The following ULK4 variants were observed in gnomAD, a reference collection of about 807,000 sequenced individuals.
ULK4 encodes unc-51 like kinase 4, also known as inactive serine/threonine-protein kinase ULK4.
In ULK4, 133 loss-of-function variants were observed where a neutral mutation model predicts 160.6. That is an observed-to-expected ratio of 0.83 (90% confidence interval 0.72 to 0.96). The LOEUF (loss-of-function observed/expected upper bound fraction) is 0.96. Among genes scored for constraint, ULK4 ranks in the 40% least tolerant of loss-of-function variants. The probability of loss-of-function intolerance (pLI) is 0.00; values close to 1 mark genes in which losing one functional copy is unlikely to be tolerated. For synonymous variants in ULK4, 534 were observed against 539.8 expected (o/e 0.99, Z 0.15); for missense variants, 1,580 against 1,499.5 (o/e 1.05, Z -0.89).
intron 35 of ULK4, among the ~76,000 whole-genome samples, chr3:41,323,843 T>A (rs1032271496): frequency 4.6e-5 from 7 of 152,010 alleles, no homozygotes; most frequent in African/African-American, 1.4e-4. Flanking sequence ...CTTTAGGATT[T>A]AAAAAAAATA....
intron 35 of ULK4, among the ~76,000 whole-genome samples, chr3:41,283,670 G>C (rs1029297742): frequency 6.6e-6 from 1 of 152,200 alleles, no homozygotes; most frequent in South Asian, 2.1e-4. Flanking sequence ...GGGAGGGATA[G>C]CATTAGGAGA....
chr3:41,906,359 TACAA>T (rs996608170), intron 12 of ULK4, among the ~76,000 whole-genome samples: 2 of 152,086 alleles, frequency 1.3e-5, no homozygotes, highest in African/African-American at 2.4e-5. Flanking sequence ...ACCCTGTCTT[TACAA>T]ACAATTTTTT....
chr3:41,904,975 T>C (rs886396238), intron 12 of ULK4, among the ~76,000 whole-genome samples: 15 of 152,222 alleles, frequency 9.9e-5, no homozygotes, highest in African/African-American at 3.4e-4. Flanking sequence ...GCTGGCTCCT[T>C]TGAAGAAACT....
intron 21 of ULK4, among the ~76,000 whole-genome samples, chr3:41,781,283 G>A (rs899557222): frequency 6.6e-6 from 1 of 152,040 alleles, no homozygotes; most frequent in Admixed American, 6.6e-5. Flanking sequence ...CGGGCATGGT[G>A]GCGGGTGCCT....
chr3:41,935,017 A>ATTTTTTTTT (rs10635589), intron 4 of ULK4, among the ~76,000 whole-genome samples: 2 of 112,886 alleles, frequency 1.8e-5, no homozygotes, highest in African/African-American at 3.5e-5. Flanking sequence ...TTATTTATTA[A>ATTTTTTTTT]TTTTTTTTTT....
At chr3:41,373,350 C>T (rs1419297283) in intron 35 of ULK4, among the ~76,000 whole-genome samples, 3 of 152,194 alleles carry the variant, frequency 2.0e-5, no homozygotes, top group Admixed American at 6.5e-5. Flanking sequence ...CTCAGCACCA[C>T]AAAGCACTTA....
chr3:41,334,035 A>C (rs1314914227), intron 35 of ULK4, among the ~76,000 whole-genome samples: 1 of 152,162 alleles, frequency 6.6e-6, no homozygotes, highest in Non-Finnish European at 1.5e-5. Flanking sequence ...AGGACAGGAT[A>C]ACTAAGAAAC....
intron 5 of ULK4, among the ~76,000 whole-genome samples, chr3:41,928,985 C>T (rs1182624316): frequency 1.3e-5 from 2 of 152,006 alleles, no homozygotes; most frequent in Non-Finnish European, 2.9e-5. Flanking sequence ...CTTACTAACT[C>T]ATTTTATGAG....
intron 32 of ULK4, among the ~76,000 whole-genome samples, chr3:41,475,707 G>A (rs1452749710): frequency 6.6e-6 from 1 of 152,054 alleles, no homozygotes; most frequent in Admixed American, 6.6e-5. Flanking sequence ...CAATTTCCAG[G>A]CCACTGATAA....
chr3:41,647,675 C>T (rs879899764), intron 30 of ULK4, among the ~76,000 whole-genome samples: 40 of 152,332 alleles, frequency 2.6e-4, no homozygotes, highest in South Asian at 4.1e-4. Context: ...GCAGTCTGCC[C>T]GTTCTCAGAT....
intron 5 of ULK4, among the ~76,000 whole-genome samples, chr3:41,923,050 T>C (rs76319026): frequency 0.13 from 19,144 of 151,644 alleles, 1,386 homozygotes; most frequent in Middle Eastern, 0.27. Context: ...GGCAGGCACC[T>C]GTAAGCCCAG....
intron 32 of ULK4, among the ~76,000 whole-genome samples, chr3:41,554,796 T>A (rs140080355): frequency 3.3e-5 from 5 of 152,208 alleles, no homozygotes; most frequent in African/African-American, 1.2e-4. Flanking sequence ...TATCAAAATA[T>A]CACAGGTACC....
At chr3:41,551,163 A>G (rs1331337891) in intron 32 of ULK4, among the ~76,000 whole-genome samples, 4 of 151,790 alleles carry the variant, frequency 2.6e-5, no homozygotes. Context: ...TTATAGCAAT[A>G]ACACATCTAC....
intron 5 of ULK4, among the ~76,000 whole-genome samples, chr3:41,923,749 G>A (rs1380010715): frequency 6.6e-5 from 10 of 152,226 alleles, no homozygotes; most frequent in Non-Finnish European, 1.2e-4. Flanking sequence ...GGACCAGACC[G>A]TGGAACCTGA....
intron 18 of ULK4, among the ~76,000 whole-genome samples, chr3:41,833,449 C>A (rs767534570): frequency 6.6e-6 from 1 of 152,040 alleles, no homozygotes. Flanking sequence ...GTGCCCACCA[C>A]CATGCCTGGC....
At chr3:41,477,974 C>T (rs952047511) in intron 32 of ULK4, among the ~76,000 whole-genome samples, 105 of 152,374 alleles carry the variant, frequency 6.9e-4, no homozygotes, top group African/African-American at 2.4e-3. Flanking sequence ...TAATACAAGA[C>T]CACATAGGTG....
chr3:41,493,162 G>C (rs2084854488), intron 32 of ULK4, among the ~76,000 whole-genome samples: 2 of 136,676 alleles, frequency 1.5e-5, no homozygotes, highest in African/African-American at 2.7e-5. Context: ...TTCCAAAATT[G>C]ACCACATACT....
At chr3:41,597,602 G>C (rs2031781264) in intron 31 of ULK4, among the ~76,000 whole-genome samples, 1 of 152,128 alleles carries the variant, frequency 6.6e-6, no homozygotes, top group Admixed American at 6.5e-5. Context: ...CACTGCGTAG[G>C]CCACAGAGAG....
In ULK4 at chr3:41,846,036, C is replaced by T. The variant is rs1164466795; in HGVS notation, c.1657-10065G>A. On this transcript the variant is annotated intron_variant, in intron 17 of 36. Transcript: ENST00000301831. ...GCTACAGACCCTTAAAGTGATAAAA[C>T]TGTCTGGACTGCCTCCAGCATAATA... Among the ~76,000 whole-genome samples, 3 of 152,190 alleles carry T rather than the reference C, an allele frequency of 2.0e-5. No homozygotes were observed. In the East Asian group the frequency reaches 5.8e-4, roughly 29 times the overall value.
Sources: gnomAD v4.1 joint callset for allele counts (sites outside exome capture counted in the v4.1 genomes callset) on GRCh38, gnomAD v4.1.1 for gene constraint, MANE v1.5 for transcripts, NCBI Gene and HGNC (gene_info 2026-07-23, HGNC 2026-07-21) for gene names.